FRY: variants seen among roughly 807,000 people sequenced by gnomAD.
FRY encodes the protein protein furry homolog.
Under a neutral mutation model 348.4 loss-of-function variants are expected in FRY, and 128 were observed. That is an observed-to-expected ratio of 0.37 (90% CI 0.32 to 0.43). The LOEUF (loss-of-function observed/expected upper bound fraction) is 0.43. Among genes scored for constraint, FRY ranks in the 20% least tolerant of loss-of-function variants. The pLI is 1.00. For synonymous variants in FRY, 1,370 were observed against 1,374.7 expected, an observed-to-expected ratio of 1.00 and a Z score of 0.08; for missense variants, 2,736 against 3,695.2, an observed-to-expected ratio of 0.74 and a Z score of 6.73.
intron 58 of FRY, among the ~76,000 whole-genome samples, chr13:32,289,073 T>A (rs999617855): frequency 2.6e-5 from 4 of 152,222 alleles, no homozygotes; most frequent in Non-Finnish European, 5.9e-5. Flanking sequence ...TTCAAATGTG[T>A]TAATAATTTC....
intron 4 of FRY, among the ~76,000 whole-genome samples, chr13:32,119,908 C>T (rs868099232): frequency 1.3e-5 from 2 of 152,190 alleles, no homozygotes; most frequent in African/African-American, 4.8e-5. Flanking sequence ...ATGCAAGTTC[C>T]TTCTTAACGC....
chr13:32,105,051 G>A (rs1877446928), intron 3 of FRY, among the ~76,000 whole-genome samples: 1 of 152,204 alleles, frequency 6.6e-6, no homozygotes, highest in Non-Finnish European at 1.5e-5. Flanking sequence ...ACTAAGGTTG[G>A]TCCACCTGTA....
At chr13:32,215,479 A>G (rs1049675825) in intron 35 of FRY, among the ~76,000 whole-genome samples, 1 of 152,248 alleles carries the variant, frequency 6.6e-6, no homozygotes, top group Non-Finnish European at 1.5e-5. Context: ...AAGATTTTTC[A>G]TATAGTTTAT....
intron 4 of FRY, among the ~76,000 whole-genome samples, chr13:32,123,477 GAAAGA>G (rs1322373558): frequency 1.3e-5 from 2 of 152,122 alleles, no homozygotes; most frequent in South Asian, 4.1e-4. Flanking sequence ...AAGGGACAGG[GAAAGA>G]AAAGAAAAGT....
chr13:32,182,466 T>G (rs1341313325), intron 23 of FRY, among the ~76,000 whole-genome samples: 1 of 152,212 alleles, frequency 6.6e-6, no homozygotes, highest in African/African-American at 2.4e-5. Flanking sequence ...AAGTCAACTG[T>G]AAGTCAGTTT....
intron 4 of FRY, among the ~76,000 whole-genome samples, chr13:32,123,691 A>T (rs1878829212): frequency 6.6e-6 from 1 of 152,222 alleles, no homozygotes; most frequent in South Asian, 2.1e-4. Flanking sequence ...AGAAAAGACC[A>T]CAAGGTGAGG....
chr13:32,061,223 A>G, intron 1 of FRY: 1 of 520,418 alleles, frequency 1.9e-6, no homozygotes, highest in Non-Finnish European at 4.0e-6. Context: ...AATGCTGAGT[A>G]TGGGAGGACT....
chr13:32,157,877 T>G (rs1235200035), intron 16 of FRY, among the ~76,000 whole-genome samples: 2 of 152,256 alleles, frequency 1.3e-5, no homozygotes, highest in Non-Finnish European at 2.9e-5. Context: ...TTATTCAAAA[T>G]CTGAAGATCT....
In FRY at chr13:32,251,747, T is replaced by C. The variant is rs1887093986; in HGVS notation, c.7171-131T>C. The stretch of plus-strand genomic sequence containing the variant: ...TGCTATTTGTGTTCTTTTTTCATAC[T>C]TTTGTGTATTTTACATTTCATTCTG... On this transcript the variant is annotated intron_variant, in intron 49 of 60. Coordinates refer to ENST00000542859, the MANE Select transcript of FRY (RefSeq NM_023037.3). 9.9e-6 allele frequency: 7 copies of C among 707,394 alleles called. No individual in the cohort carries two copies. In the South Asian group the frequency reaches 1.1e-4, roughly 11 times the overall value. The allele number at this position is 707,394 out of a possible 1,614,324, so 43.8% of individuals were successfully genotyped here.
In FRY at chr13:32,247,429, T is replaced by C; in HGVS notation, c.6935T>C (p.Ile2312Thr). 1 of 1,613,530 alleles carries C rather than the reference T, an allele frequency of 6.2e-7. No homozygotes were observed. Among genetic ancestry groups the C allele is most frequent in the African/African-American group, 1.3e-5 (1 of 75,042 alleles). Reference protein sequence around the residue: ...YQHSDLSKIEIHRVWTSASKE... With the variant: ...YQHSDLSKIETHRVWTSASKE... The stretch of plus-strand genomic sequence containing the variant: ...CACAGTGACCTCTCAAAAATAGAAA[T>C]ACATCGAGTGTGGACTAGTGCTTCC... Residue 2312 changes from isoleucine (I) to threonine (T), a missense_variant, in exon 48 of 61, where the codon ATA (isoleucine) becomes ACA (threonine). By Grantham distance (89) the Ile-to-Thr change is moderately conservative (BLOSUM62 -1). This residue lies in a region of FRY where 789 missense variants were observed against 996.2 expected (regional missense o/e 0.79). Transcript: ENST00000542859.
intron 57 of FRY, 101 bp from the exon 58 acceptor site, chr13:32,278,364 A>T: frequency 2.7e-6 from 2 of 751,556 alleles, no homozygotes; most frequent in East Asian, 5.0e-5. Flanking sequence ...TCATTTTACT[A>T]TTATTAGAAC....
intron 51 of FRY, among the ~76,000 whole-genome samples, chr13:32,254,820 A>C (rs938389776): frequency 3.3e-5 from 5 of 152,224 alleles, no homozygotes; most frequent in African/African-American, 9.7e-5. Context: ...TGCCTGCTAC[A>C]ACATGAGACC....
At chr13:32,233,315 T>C (rs1886022044) in intron 41 of FRY, among the ~76,000 whole-genome samples, 2 of 152,348 alleles carry the variant, frequency 1.3e-5, no homozygotes, top group African/African-American at 4.8e-5. Flanking sequence ...CTCTGTGTCA[T>C]AGAGACAGCC....
In FRY at chr13:32,225,846, T is replaced by C; in HGVS notation, c.5078T>C (p.Leu1693Pro). 6.2e-7 allele frequency: 1 copy of C among 1,614,112 alleles called. No homozygotes were observed. The highest frequency in any genetic ancestry group is 8.5e-7 in the Non-Finnish European group (1 of 1,179,972). Residue 1693 changes from leucine to proline, a missense_variant, in exon 39 of 61, where the codon CTC becomes CCC. Around this residue, in one of 9 missense-constraint regions of FRY, gnomAD observed 794 missense variants for 977.0 expected, o/e 0.81. Transcript: ENST00000542859. Reference sequence around the variant, plus strand: ...CACAGCAAAAAACTGCTTCTTCACCTCTTGATTGCCCTCTCTTGCAACAGC... The same window carrying C: ...CACAGCAAAAAACTGCTTCTTCACCCCTTGATTGCCCTCTCTTGCAACAGC... Reference protein sequence around the residue: ...FEHSKKLLLHLLIALSCNSNF... With the variant: ...FEHSKKLLLHPLIALSCNSNF...
intron 35 of FRY, among the ~76,000 whole-genome samples, chr13:32,213,739 A>G (rs798987): frequency 0.41 from 61,852 of 152,094 alleles, 12,785 homozygotes; most frequent in Admixed American, 0.43. Context: ...TATTTGAGGT[A>G]GAAAGATGAT....
At position 32,202,259 on chromosome 13, in the gene FRY, A is replaced by C. The variant is rs528803656; in HGVS notation, c.3847-97A>C. The C allele has an allele frequency of 1.0e-5, 10 of 971,628 alleles. No homozygotes were observed. The South Asian group carries it at 1.2e-4, about 12-fold the overall frequency. The allele number at this position is 971,628 out of a possible 1,614,324, so 60.2% of individuals were successfully genotyped here. Reference sequence around the variant, plus strand: ...TTCTATTTTTAAATGGGAATTAATTAATTTTGTTACTTCTAACCTTTGTTA... The same window carrying C: ...TTCTATTTTTAAATGGGAATTAATTCATTTTGTTACTTCTAACCTTTGTTA... On this transcript the variant is annotated intron_variant, in intron 30 of 60. Transcript: ENST00000542859.
At chr13:32,249,758 A>G in intron 49 of FRY, 71 bp downstream of exon 49, 1 of 1,382,700 alleles carries the variant, frequency 7.2e-7, no homozygotes, top group Non-Finnish European at 1.0e-6. Flanking sequence ...GCTGGGTCAT[A>G]AGGGATTCCC....
intron 36 of FRY, among the ~76,000 whole-genome samples, chr13:32,221,658 G>A (rs1009171482): frequency 6.6e-6 from 1 of 152,144 alleles, no homozygotes; most frequent in Admixed American, 6.6e-5. Context: ...GACTACAGGT[G>A]TGTGCCACCA....
intron 58 of FRY, among the ~76,000 whole-genome samples, chr13:32,285,223 A>G (rs1228517860): frequency 6.6e-6 from 1 of 152,206 alleles, no homozygotes; most frequent in Non-Finnish European, 1.5e-5. Flanking sequence ...GAATGTGGAT[A>G]CAGAAAAACA....
Sources: gnomAD v4.1 joint callset for allele counts (sites outside exome capture counted in the v4.1 genomes callset) on GRCh38, gnomAD v4.1.1 for gene constraint, gnomAD v4.1.1 regional missense constraint, MANE v1.5 for transcripts, NCBI Gene and HGNC (gene_info 2026-07-23, HGNC 2026-07-21) for gene names.